Variants in HHIP observed in about 807,000 individuals in gnomAD.
The protein encoded by HHIP is hedgehog interacting protein, also known as hedgehog-interacting protein.
A neutral mutation model predicts 74.0 loss-of-function variants in HHIP; 12 were observed. That is an observed-to-expected ratio of 0.16 (90% CI 0.10 to 0.26). The LOEUF (loss-of-function observed/expected upper bound fraction) is 0.26. Ranked by LOEUF, HHIP falls within the 10% of genes least tolerant of loss-of-function variation. The pLI is 1.00. For synonymous variants in HHIP, 309 were observed against 311.6 expected (o/e 0.99, Z 0.09); for missense variants, 788 against 845.0 (o/e 0.93, Z 0.84).
At chr4:144,652,216 C>A (rs1331083886) in intron 1 of HHIP, among the ~76,000 whole-genome samples, 1 of 151,990 alleles carries the variant, frequency 6.6e-6, no homozygotes, top group African/African-American at 2.4e-5. Context: ...TTGAAAAATT[C>A]TGTTTTGCAT....
At chr4:144,724,869 T>G (rs140113602) in intron 11 of HHIP, among the ~76,000 whole-genome samples, 1 of 151,810 alleles carries the variant, frequency 6.6e-6, no homozygotes, top group African/African-American at 2.4e-5. Context: ...TAGATTGCTA[T>G]GAAAACTTGA....
intron 7 of HHIP, among the ~76,000 whole-genome samples, chr4:144,710,074 C>T (rs912534594): frequency 3.3e-5 from 5 of 152,122 alleles, no homozygotes; most frequent in Non-Finnish European, 5.9e-5. Context: ...CCCTTTTTCA[C>T]ATGAGAAACT....
Position 144,743,433 on chromosome 4 carries a change from G to A in HHIP, c.*5476G>A, listed in dbSNP as rs1000366587. ...ATTCCTTGTATCAACAGAAAGCCTTGTGCTTAAAACCTGTTATTCTTCTTT... is the reference window on the plus strand; with the variant it reads ...ATTCCTTGTATCAACAGAAAGCCTTATGCTTAAAACCTGTTATTCTTCTTT... On this transcript the variant is annotated 3_prime_UTR_variant, in exon 13 of 13. Coordinates refer to ENST00000296575, the MANE Select transcript of HHIP (RefSeq NM_022475.3). The A allele has an allele frequency of 6.6e-6, 1 of 151,926 alleles. No homozygotes were observed. Among genetic ancestry groups the A allele is most frequent in the African/African-American group, 2.4e-5 (1 of 41,410 alleles). The allele number at this position is 151,926 out of a possible 1,614,324, so 9.4% of individuals were successfully genotyped here.
intron 4 of HHIP, among the ~76,000 whole-genome samples, chr4:144,674,526 G>A (rs1729124737): frequency 6.6e-6 from 1 of 152,002 alleles, no homozygotes; most frequent in Non-Finnish European, 1.5e-5. Flanking sequence ...AGGTTGAAAA[G>A]GATATAACTA....
intron 9 of HHIP, chr4:144,715,099 A>C (rs1730408323): frequency 2.2e-6 from 1 of 458,520 alleles, no homozygotes; most frequent in African/African-American, 2.0e-5. Flanking sequence ...CCTCCAAACA[A>C]AATACTATCT....
At position 144,684,800 on chromosome 4, in the gene HHIP, T is replaced by C. The variant is rs149808731; in HGVS notation, c.832-21731T>C. ...GACTAGTGAAAAGAAAGTGGCATTG[T>C]TGCTTCTGATTGTATTCTGTAACTT... On this transcript the variant is annotated intron_variant, in intron 4 of 12. Transcript: ENST00000296575. 3.8e-3 allele frequency among the ~76,000 whole-genome samples: 572 copies of C among 152,294 alleles called. 1 individual carries two copies. The highest frequency in any genetic ancestry group is 6.5e-3 in the Non-Finnish European group (442 of 68,030).
rs1156363248 is a variant in HHIP, at chr4:144,738,107, C to G, written c.*150C>G. The G allele has an allele frequency of 7.5e-7, 1 of 1,336,830 alleles. No homozygotes were observed. The highest frequency in any genetic ancestry group is 1.5e-5 in the African/African-American group (1 of 67,546). 82.8% of individuals were successfully genotyped at this position (1,336,830 alleles called of 1,614,324 possible). A position where few individuals can be genotyped will look rare whatever the true frequency, so the allele number is the denominator to read the frequency against. On this transcript the variant is annotated 3_prime_UTR_variant, in exon 13 of 13. Transcript: ENST00000296575. ...TAATTTCCAGAAATGTGCAGATCCT[C>G]TGTGTGTATGTCAGCATGTTTGTTC... is the stretch of plus-strand genomic sequence containing the variant.
intron 4 of HHIP, among the ~76,000 whole-genome samples, chr4:144,698,841 A>G (rs1729896502): frequency 6.6e-6 from 1 of 152,198 alleles, no homozygotes; most frequent in Admixed American, 6.6e-5. Context: ...AGAAAAAACA[A>G]GTCAAGTTCA....
intron 4 of HHIP, among the ~76,000 whole-genome samples, chr4:144,678,350 C>T (rs553688044): frequency 6.6e-6 from 1 of 152,106 alleles, no homozygotes; most frequent in Non-Finnish European, 1.5e-5. Flanking sequence ...ATGTTGAACT[C>T]CATTATGTGC....
At chr4:144,692,699 G>C (rs756434793) in intron 4 of HHIP, among the ~76,000 whole-genome samples, 5 of 152,112 alleles carry the variant, frequency 3.3e-5, no homozygotes, top group Non-Finnish European at 7.4e-5. Context: ...TCCCCAGCTA[G>C]AATACAATAG....
At chr4:144,677,694 C>T (rs1729208792) in intron 4 of HHIP, among the ~76,000 whole-genome samples, 1 of 152,180 alleles carries the variant, frequency 6.6e-6, no homozygotes, top group African/African-American at 2.4e-5. Flanking sequence ...CACTCGGAGC[C>T]GGAGTCCAGG....
chr4:144,715,662 A>G (rs1413953244), intron 10 of HHIP: 1 of 299,116 alleles, frequency 3.3e-6, no homozygotes, highest in Non-Finnish European at 6.1e-6. Flanking sequence ...ACCAAAATAT[A>G]AGGCAGAAAA....
chr4:144,683,906 G>GT (rs1468668544), intron 4 of HHIP, among the ~76,000 whole-genome samples: 1 of 151,920 alleles, frequency 6.6e-6, no homozygotes, highest in East Asian at 1.9e-4. Flanking sequence ...TCCCTGAGAA[G>GT]TTGTGTTGCC....
Position 144,695,673 on chromosome 4 carries a change from T to C in HHIP, c.832-10858T>C, listed in dbSNP as rs182339867. On this transcript the variant is annotated intron_variant, in intron 4 of 12. Coordinates refer to ENST00000296575, the MANE Select transcript of HHIP (RefSeq NM_022475.3). Reference sequence around the variant, plus strand: ...TTAACTTTAGAGGATAAATTTTATATATTTTAATGAAAAAACGATATTTCT... The same window carrying C: ...TTAACTTTAGAGGATAAATTTTATACATTTTAATGAAAAAACGATATTTCT... 8.5e-5 allele frequency among the ~76,000 whole-genome samples: 13 copies of C among 152,048 alleles called. No individual in the cohort carries two copies. The East Asian group carries it at 2.5e-3, about 29-fold the overall frequency.
chr4:144,715,189 AG>A, intron 9 of HHIP, 110 bp from the exon 10 acceptor site: 2 of 992,050 alleles, frequency 2.0e-6, no homozygotes, highest in Non-Finnish European at 3.0e-6. Context: ...TTTAGAAGCC[AG>A]GTCTATGGCA....
Position 144,736,281 on chromosome 4 carries a change from G to A in HHIP, c.1909+1392G>A, listed in dbSNP as rs189778968. On this transcript the variant is annotated intron_variant, in intron 12 of 12. Transcript: ENST00000296575. ...TTCCCGAGTAGCTTGGATTATAGGC[G>A]CCCACCACCATGCCCTCCTAATTTT... Among the ~76,000 whole-genome samples the A allele has an allele frequency of 3.6e-3, 541 of 151,680 alleles. 5 individuals carry two copies. Among genetic ancestry groups the A allele is most frequent in the African/African-American group, 0.012 (503 of 41,366 alleles).
rs2126664304 is a variant in HHIP, at chr4:144,714,363, A to T, written c.1547+15A>T. 1.2e-6 allele frequency: 2 copies of T among 1,612,814 alleles called. No homozygotes were observed. Among genetic ancestry groups the T allele is most frequent in the East Asian group, 4.5e-5 (2 of 44,800 alleles). The stretch of plus-strand genomic sequence containing the variant: ...GATCGTAATGGGTAGGTTTCCTGAT[A>T]CCACAACAGTATGATATACCAAATG... On this transcript the variant is annotated intron_variant, in intron 9 of 12. Transcript: ENST00000296575.
At chr4:144,666,014 G>A (rs1456977181) in intron 4 of HHIP, among the ~76,000 whole-genome samples, 1 of 152,102 alleles carries the variant, frequency 6.6e-6, no homozygotes, top group African/African-American at 2.4e-5. Flanking sequence ...CCTAGAAAAC[G>A]TCTGCCGTCT....
chr4:144,678,760 G>A (rs1338903962), intron 4 of HHIP, among the ~76,000 whole-genome samples: 1 of 152,112 alleles, frequency 6.6e-6, no homozygotes, highest in Non-Finnish European at 1.5e-5. Context: ...CATGGTGTAT[G>A]TATGTCACAT....
Sources: allele counts gnomAD v4.1 joint callset (sites outside exome capture counted in the v4.1 genomes callset), GRCh38; gene constraint gnomAD v4.1.1; transcripts MANE v1.5; gene names NCBI Gene and HGNC (gene_info 2026-07-23, HGNC 2026-07-21).